Variants in RNF128 observed in about 807,000 individuals in gnomAD.
The protein encoded by RNF128 is E3 ubiquitin-protein ligase RNF128.
Under a neutral mutation model 26.2 loss-of-function variants are expected in RNF128, and 13 were observed. That is an observed-to-expected ratio of 0.50 (90% CI 0.32 to 0.79). The LOEUF is 0.79. Among genes scored for constraint, RNF128 ranks in the 30% least tolerant of loss-of-function variants. RNF128 has a pLI of 0.03. For synonymous variants in RNF128, 149 were observed against 142.5 expected (o/e 1.05, Z -0.32); for missense variants, 315 against 349.7 (o/e 0.90, Z 0.79).
Position 106,727,375 on chromosome X carries a change from G to A in RNF128, c.462G>A (p.Glu154=). ...VIFNFPGTRN[E]VIPMSHPGAV... ...TTAACTTCCCCGGGACCCGCAATGA[G>A]GTCATCCCCATGTCTCACCCGGGTG... The change falls in exon 1 of 7, where the codon GAG becomes GAA. Residue 154 remains glutamate, a synonymous_variant. Transcript: ENST00000255499. 1 of 1,211,502 alleles carries A rather than the reference G, an allele frequency of 8.3e-7. No homozygotes were observed. The highest frequency in any genetic ancestry group is 1.8e-5 in the South Asian group (1 of 56,929).
chrX:106,789,522 T>TTA (rs974058496), intron 4 of RNF128, among the ~76,000 whole-genome samples: 1 of 102,957 alleles, frequency 9.7e-6, no homozygotes, highest in Admixed American at 1.1e-4. Flanking sequence ...ATTATATACA[T>TTA]TATACACTAT....
intron 1 of RNF128, among the ~76,000 whole-genome samples, chrX:106,695,120 A>T (rs964498676): frequency 9.0e-6 from 1 of 111,503 alleles, no homozygotes; most frequent in Non-Finnish European, 1.9e-5. Context: ...TTATTTATTT[A>T]AAAAAACAGT....
rs149886609 is a variant in RNF128 at position 106,696,580 on chromosome X, C to T, written c.406+2172C>T. ...CCTACAATAAAGCTCACGATTTCAC[C>T]TTCTGTCATCTCATCTTGTATTACC... On this transcript the variant is annotated intron_variant, in intron 1 of 6. Coordinates refer to the RNF128 transcript ENST00000324342. Among the ~76,000 whole-genome samples the T allele has an allele frequency of 3.2e-3, 352 of 111,035 alleles. 1 individual carries two copies. The highest frequency in any genetic ancestry group is 0.019 in the Middle Eastern group (4 of 214).
At chrX:106,726,185 G>C (rs749692774), upstream of RNF128, among the ~76,000 whole-genome samples, 1 of 111,693 alleles carries the variant, frequency 9.0e-6, no homozygotes, top group Non-Finnish European at 1.9e-5. Context: ...CATGTATGAG[G>C]CTTCTTAGGA....
intron 1 of RNF128, among the ~76,000 whole-genome samples, chrX:106,714,008 T>G (rs938937397): frequency 9.1e-6 from 1 of 110,475 alleles, no homozygotes; most frequent in African/African-American, 3.3e-5. Context: ...ACCCCGTCTC[T>G]ACTAAAAATA....
In RNF128 at chrX:106,795,672, A is replaced by G. The variant is rs1279210172; in HGVS notation, c.1246A>G (p.Thr416Ala). 3.3e-6 allele frequency: 4 copies of G among 1,199,170 alleles called. No individual in the cohort carries two copies. In the South Asian group the frequency reaches 5.5e-5, roughly 17 times the overall value. The change falls in exon 7 of 7, where the codon ACT (threonine) becomes GCT (alanine). Residue 416 changes from threonine (T) to alanine (A), a missense_variant. Transcript: ENST00000255499. Reference sequence around the variant, plus strand: ...CAACCCAACCTTTGAAGAAGACGAAACTCCTAATCAAGAGACTGCTGTTCG... The same window carrying G: ...CAACCCAACCTTTGAAGAAGACGAAGCTCCTAATCAAGAGACTGCTGTTCG... ...VDNPTFEEDE[T>A]PNQETAVREI...
chrX:106,783,562 G>T (rs1006302258), intron 2 of RNF128, among the ~76,000 whole-genome samples: 2 of 111,300 alleles, frequency 1.8e-5, no homozygotes, highest in Non-Finnish European at 3.8e-5. Context: ...ACTTTTTGCC[G>T]AATTTCTAAG....
intron 1 of RNF128, among the ~76,000 whole-genome samples, chrX:106,734,634 CAA>C (rs1240830967): frequency 1.8e-5 from 2 of 111,424 alleles, no homozygotes; most frequent in Non-Finnish European, 3.8e-5. Flanking sequence ...ATATACATCC[CAA>C]AAAGGTACAT....
chrX:106,703,653 A>T (rs1928995656), intron 1 of RNF128, among the ~76,000 whole-genome samples: 1 of 111,486 alleles, frequency 9.0e-6, no homozygotes, highest in African/African-American at 3.3e-5. Flanking sequence ...TATTTACGCA[A>T]GTCATAAAAG....
intron 1 of RNF128, among the ~76,000 whole-genome samples, chrX:106,717,897 G>C (rs750895153): frequency 8.9e-6 from 1 of 111,745 alleles, no homozygotes; most frequent in South Asian, 3.8e-4. Flanking sequence ...GAGTGACAAG[G>C]GTAAGATTCT....
intron 1 of RNF128, among the ~76,000 whole-genome samples, chrX:106,731,214 AC>A: frequency 8.9e-6 from 1 of 112,268 alleles, no homozygotes; most frequent in Non-Finnish European, 1.9e-5. Flanking sequence ...AGTCTAGAGT[AC>A]TTCAAAGTCC....
intron 1 of RNF128, among the ~76,000 whole-genome samples, chrX:106,750,490 G>A (rs1929864564): frequency 9.0e-6 from 1 of 111,450 alleles, no homozygotes; most frequent in South Asian, 3.8e-4. Flanking sequence ...TAGGGTTGAC[G>A]TGAGGATTAA....
intron 1 of RNF128, among the ~76,000 whole-genome samples, chrX:106,713,333 AC>A (rs1929162293): frequency 9.2e-6 from 1 of 108,861 alleles, no homozygotes; most frequent in Non-Finnish European, 1.9e-5. Flanking sequence ...ACAGGGCGAA[AC>A]CCCGTCTCTA....
upstream of RNF128, chrX:106,726,559 G>A (rs764658178): frequency 5.2e-5 from 34 of 653,684 alleles, no homozygotes; most frequent in Non-Finnish European, 5.8e-5. Context: ...CACAGCCTCA[G>A]ATCCTATTCT....
At chrX:106,741,243 A>T (rs1430732740) in intron 1 of RNF128, among the ~76,000 whole-genome samples, 1 of 111,827 alleles carries the variant, frequency 8.9e-6, no homozygotes, top group Non-Finnish European at 1.9e-5. Context: ...TTAAGGTTTT[A>T]TAGAGACTCA....
Position 106,796,113 on chromosome X carries a change from C to CA in RNF128, c.*401dup, listed in dbSNP as rs1930911648. On this transcript the variant is annotated 3_prime_UTR_variant, in exon 7 of 7. Transcript: ENST00000255499. ...CTTCTTTAGCTTGGGCTACATGTGT[C>CA]AGGGTTTTTCTCCAGGTGCTTATAT... 8.9e-6 allele frequency: 1 copy of CA among 112,648 alleles called. No individual in the cohort carries two copies. The highest frequency in any genetic ancestry group is 3.2e-5 in the African/African-American group (1 of 30,830). The allele number at this position is 112,648 out of a possible 1,213,427, so 9.3% of individuals were successfully genotyped here. A position where few individuals can be genotyped will look rare whatever the true frequency, so the allele number is the denominator to read the frequency against.
intron 1 of RNF128, among the ~76,000 whole-genome samples, chrX:106,732,170 T>C (rs1929512008): frequency 9.0e-6 from 1 of 111,697 alleles, no homozygotes; most frequent in African/African-American, 3.3e-5. Context: ...AATTTACACA[T>C]CCTTCAAAAT....
At chrX:106,746,219 A>G (rs768971223) in intron 1 of RNF128, among the ~76,000 whole-genome samples, 3 of 110,404 alleles carry the variant, frequency 2.7e-5, no homozygotes, top group East Asian at 5.6e-4. Context: ...AATAACCTCT[A>G]TTTTCTAATA....
At chrX:106,709,430 A>G (rs935583517) in intron 1 of RNF128, among the ~76,000 whole-genome samples, 1 of 112,350 alleles carries the variant, frequency 8.9e-6, no homozygotes, top group East Asian at 2.8e-4. Context: ...TGAATCTTCT[A>G]CTTTAGGCTT....
Sources: gnomAD v4.1 joint callset for allele counts (sites outside exome capture counted in the v4.1 genomes callset) on GRCh38, gnomAD v4.1.1 for gene constraint, MANE v1.5 for transcripts, NCBI Gene and HGNC (gene_info 2026-07-23, HGNC 2026-07-21) for gene names.